CAST: variants seen among roughly 807,000 people sequenced by gnomAD.
CAST encodes MIR583 host.
A neutral mutation model predicts 119.6 loss-of-function variants in CAST; 76 were observed. The observed-to-expected ratio is 0.64, with a 90% confidence interval of 0.53 to 0.77. The LOEUF is 0.77. Among genes scored for constraint, CAST ranks in the 30% least tolerant of loss-of-function variants. The probability of loss-of-function intolerance (pLI) is 0.00; values close to 1 mark genes in which losing one functional copy is unlikely to be tolerated. For synonymous variants in CAST, 319 were observed against 331.6 expected, an observed-to-expected ratio of 0.96 and a Z score of 0.41; for missense variants, 953 against 946.5, an observed-to-expected ratio of 1.01 and a Z score of -0.09.
the CAST span, among the ~76,000 whole-genome samples, chr5:96,425,064 GAAAGAAAGA>G: frequency 7.3e-6 from 1 of 137,560 alleles, no homozygotes; most frequent in South Asian, 2.4e-4. Flanking sequence ...AAGAAAGAAA[GAAAGAAAGA>G]AAACGTAGGG....
chr5:96,767,698 CAACGT>C lies in CAST; in HGVS notation c.2176-208_2176-204del, dbSNP rs1770493956. ...AAACTGAGGCTCAGAGAATGCTAAG[CAACGT>C]GTATTAAAGAGTAGATGGAAAAAAA... On this transcript the variant is annotated intron_variant, in intron 28 of 31. Coordinates refer to ENST00000675179, the MANE Select transcript of CAST (RefSeq NM_001750.7). 2.0e-5 allele frequency among the ~76,000 whole-genome samples: 3 copies of C among 152,208 alleles called. No homozygotes were observed. The South Asian group carries it at 6.2e-4, about 32-fold the overall frequency.
chr5:96,148,695 T>C, the CAST span, among the ~76,000 whole-genome samples: 1 of 152,238 alleles, frequency 6.6e-6, no homozygotes, highest in East Asian at 1.9e-4. Flanking sequence ...GTTTAATATA[T>C]GCTAGAGCAA....
At chr5:96,515,411 G>T in the CAST span, among the ~76,000 whole-genome samples, 126 of 152,114 alleles carry the variant, frequency 8.3e-4, no homozygotes, top group African/African-American at 3.0e-3. Context: ...GGACCATAAA[G>T]TGATCTTGAC....
chr5:96,757,631 G>C lies in CAST; in HGVS notation c.1810G>C (p.Gly604Arg). 6.2e-7 allele frequency: 1 copy of C among 1,612,738 alleles called. No homozygotes were observed. The highest frequency in any genetic ancestry group is 8.5e-7 in the Non-Finnish European group (1 of 1,179,110). ...GGATGCTTTGTCTGAGGACTTCTCT[G>C]GTCCACAAAATGCTTCATCTCTTGT... The part of the protein sequence containing the change: ...LLDALSEDFS[G>R]PQNASSLKFE... Residue 604 changes from glycine to arginine, a missense_variant, in exon 24 of 32, where the codon GGT becomes CGT. Physicochemically the swap from Gly to Arg is moderately radical, Grantham distance 125 (BLOSUM62 -2). Coordinates refer to ENST00000675179, the MANE Select transcript of CAST (RefSeq NM_001750.7).
the CAST span, among the ~76,000 whole-genome samples, chr5:96,495,489 G>A: frequency 0.55 from 83,902 of 151,852 alleles, 24,805 homozygotes; most frequent in Non-Finnish European, 0.68. Context: ...TCATTGTTCA[G>A]CTCCACTTAT....
intron 1 of CAST, among the ~76,000 whole-genome samples, chr5:96,583,299 T>C (rs1294676178): frequency 1.3e-5 from 2 of 151,996 alleles, no homozygotes; most frequent in Admixed American, 6.6e-5. Flanking sequence ...GGTAATAAGG[T>C]TTAATATGAT....
chr5:96,300,813 T>A, the CAST span, among the ~76,000 whole-genome samples: 1 of 151,374 alleles, frequency 6.6e-6, no homozygotes. Context: ...TTTACCTCTT[T>A]GGATAAATTT....
At chr5:96,750,459 C>A in intron 19 of CAST, 128 bp from the exon 20 acceptor site, 1 of 513,880 alleles carries the variant, frequency 1.9e-6, no homozygotes, top group Non-Finnish European at 3.5e-6. Flanking sequence ...ATTTAGCAAT[C>A]CTTAGGTATT....
the CAST span, among the ~76,000 whole-genome samples, chr5:96,324,810 C>T: frequency 6.6e-6 from 1 of 151,858 alleles, no homozygotes; most frequent in African/African-American, 2.4e-5. Flanking sequence ...ACCTTTTTCC[C>T]CAGGTTCCAC....
At chr5:96,538,756 C>CTCAGCTGCATGATCTTCTTG (rs11272739) in intron 1 of CAST, among the ~76,000 whole-genome samples, 21,584 of 151,422 alleles carry the variant, frequency 0.14, 1,835 homozygotes, top group Non-Finnish European at 0.19. Flanking sequence ...ACACCGCTCC[C>CTCAGCTGCATGATCTTCTTG]TCAGAAATGA....
At chr5:96,483,287 C>A in the CAST span, among the ~76,000 whole-genome samples, 1 of 152,086 alleles carries the variant, frequency 6.6e-6, no homozygotes, top group African/African-American at 2.4e-5. Flanking sequence ...CAGTATGGAA[C>A]AAACATCAAC....
the CAST span, chr5:96,423,365 G>T: frequency 6.2e-7 from 1 of 1,613,774 alleles, no homozygotes; most frequent in South Asian, 1.1e-5. Context: ...ATCCAGTACG[G>T]TGATAACAAC....
At chr5:96,644,514 T>A (rs917653059) in intron 1 of CAST, among the ~76,000 whole-genome samples, 1 of 152,254 alleles carries the variant, frequency 6.6e-6, no homozygotes, top group Non-Finnish European at 1.5e-5. Flanking sequence ...GTTTTTCTTA[T>A]AACAGTTTAT....
At chr5:96,661,862 G>GCACACA (rs3048781), upstream of CAST, among the ~76,000 whole-genome samples, 2 of 151,078 alleles carry the variant, frequency 1.3e-5, no homozygotes, top group Non-Finnish European at 2.9e-5. Context: ...GTGCACGCAC[G>GCACACA]CACACACACA....
the CAST span, among the ~76,000 whole-genome samples, chr5:96,487,164 A>G: frequency 6.6e-6 from 1 of 152,076 alleles, no homozygotes; most frequent in African/African-American, 2.4e-5. Context: ...GTTCTGCACC[A>G]CATATTACAG....
intron 1 of CAST, among the ~76,000 whole-genome samples, chr5:96,563,523 G>C (rs989970030): frequency 6.6e-6 from 1 of 152,042 alleles, no homozygotes; most frequent in African/African-American, 2.4e-5. Flanking sequence ...CAAGAAATTG[G>C]CAATGGTAGT....
chr5:96,239,105 T>C, the CAST span, among the ~76,000 whole-genome samples: 1 of 152,186 alleles, frequency 6.6e-6, no homozygotes, highest in Admixed American at 6.5e-5. Flanking sequence ...ATTGCCAATA[T>C]GATAAAACTA....
At chr5:96,168,611 G>A in the CAST span, among the ~76,000 whole-genome samples, 23 of 152,172 alleles carry the variant, frequency 1.5e-4, no homozygotes, top group African/African-American at 4.6e-4. Context: ...GGTGAGTGGC[G>A]ATTAGGCCTG....
the CAST span, among the ~76,000 whole-genome samples, chr5:95,977,953 A>G: frequency 1.3e-5 from 2 of 149,624 alleles, no homozygotes; most frequent in Non-Finnish European, 3.0e-5. Context: ...AGCTCCATCC[A>G]TGTTCCTGCA....
Sources: allele counts gnomAD v4.1 joint callset (sites outside exome capture counted in the v4.1 genomes callset), GRCh38; gene constraint gnomAD v4.1.1; transcripts MANE v1.5; gene names NCBI Gene and HGNC (gene_info 2026-07-23, HGNC 2026-07-21).